The following GALNT6 variants were observed in gnomAD, a reference collection of about 807,000 sequenced individuals.
GALNT6 encodes the protein GalNAc transferase 6.
GALNT6 carries 51 observed loss-of-function variants against 65.9 expected under a neutral mutation model. That is an observed-to-expected ratio of 0.77 (90% CI 0.62 to 0.98). The LOEUF is 0.98. Among genes scored for constraint, GALNT6 ranks in the 50% least tolerant of loss-of-function variants. The pLI, the probability that GALNT6 is intolerant of heterozygous loss-of-function variation, is 0.00. For synonymous variants in GALNT6, 323 were observed against 315.1 expected (o/e 1.02, Z -0.26); for missense variants, 708 against 803.3 (o/e 0.88, Z 1.43).
intron 11 of GALNT6, among the ~76,000 whole-genome samples, chr12:51,354,995 G>A (rs898550094): frequency 7.9e-5 from 12 of 152,260 alleles, no homozygotes; most frequent in African/African-American, 1.9e-4. Flanking sequence ...GAAAGAGCCC[G>A]TGCTTTCAAG....
chr12:51,360,883 G>A (rs1374843881), intron 6 of GALNT6, 45 bp from the exon 7 acceptor site: 1 of 1,347,890 alleles, frequency 7.4e-7, no homozygotes, highest in Admixed American at 1.7e-5. Context: ...TGGGAGAGGA[G>A]GAGCGGAGCC....
intron 8 of GALNT6, among the ~76,000 whole-genome samples, chr12:51,358,737 C>G (rs980308668): frequency 3.3e-5 from 5 of 152,152 alleles, no homozygotes; most frequent in African/African-American, 1.2e-4. Flanking sequence ...CATCCAATCC[C>G]AAAAACCCCG....
intron 4 of GALNT6, among the ~76,000 whole-genome samples, chr12:51,376,301 T>C (rs899802183): frequency 1.3e-5 from 2 of 152,060 alleles, no homozygotes; most frequent in Non-Finnish European, 2.9e-5. Context: ...TCACACCTGT[T>C]ACAGGTGCAT....
At chr12:51,385,304 T>C (rs1249253506) in intron 2 of GALNT6, among the ~76,000 whole-genome samples, 1 of 152,216 alleles carries the variant, frequency 6.6e-6, no homozygotes, top group East Asian at 1.9e-4. Context: ...AGTAAACTTT[T>C]ATTTTAATGT....
intron 4 of GALNT6, among the ~76,000 whole-genome samples, chr12:51,374,807 CTG>C (rs753995042): frequency 2.0e-5 from 3 of 152,234 alleles, no homozygotes; most frequent in Non-Finnish European, 4.4e-5. Flanking sequence ...CCTCTCCAGA[CTG>C]TGAGTCCTCT....
chr12:51,369,064 A>T (rs1046723987), intron 4 of GALNT6, among the ~76,000 whole-genome samples: 2 of 152,194 alleles, frequency 1.3e-5, no homozygotes, highest in Non-Finnish European at 2.9e-5. Context: ...GCTCCTCAGC[A>T]TGGCTGCTGT....
At chr12:51,381,521 A>G (rs1947672034) in intron 2 of GALNT6, among the ~76,000 whole-genome samples, 1 of 152,056 alleles carries the variant, frequency 6.6e-6, no homozygotes, top group Non-Finnish European at 1.5e-5. Flanking sequence ...AGTAGCACCT[A>G]CCTCCTAGGG....
At chr12:51,356,353 CTTTTTTTT>C (rs58408607) in intron 10 of GALNT6, among the ~76,000 whole-genome samples, 15 of 66,952 alleles carry the variant, frequency 2.2e-4, no homozygotes, top group South Asian at 1.5e-3. Context: ...TATATTTTCT[CTTTTTTTT>C]TTTTTTTTTT....
chr12:51,374,755 C>T (rs1438211421), intron 4 of GALNT6, among the ~76,000 whole-genome samples: 1 of 152,170 alleles, frequency 6.6e-6, no homozygotes, highest in African/African-American at 2.4e-5. Flanking sequence ...TTTCCTAGTT[C>T]AGGCCCCATC....
chr12:51,384,208 G>T (rs1947757564), intron 2 of GALNT6, among the ~76,000 whole-genome samples: 1 of 152,152 alleles, frequency 6.6e-6, no homozygotes, highest in South Asian at 2.1e-4. Context: ...TGAAAAGCCT[G>T]CCTAGATTGA....
At chr12:51,382,805 G>C (rs1947715655) in intron 2 of GALNT6, among the ~76,000 whole-genome samples, 1 of 152,152 alleles carries the variant, frequency 6.6e-6, no homozygotes, top group Admixed American at 6.5e-5. Flanking sequence ...TAGCAGTGTG[G>C]ATGGAAGAGG....
chr12:51,383,805 G>A (rs1164640573), intron 2 of GALNT6, among the ~76,000 whole-genome samples: 1 of 152,132 alleles, frequency 6.6e-6, no homozygotes, highest in Non-Finnish European at 1.5e-5. Context: ...CCTTAGAAGA[G>A]ACACAGAATC....
intron 4 of GALNT6, among the ~76,000 whole-genome samples, chr12:51,373,291 A>C (rs1947346506): frequency 6.6e-6 from 1 of 152,178 alleles, no homozygotes; most frequent in African/African-American, 2.4e-5. Flanking sequence ...AGGTCCCATA[A>C]TCCCCACATG....
At chr12:51,378,526 T>TG (rs1947536577) in intron 3 of GALNT6, among the ~76,000 whole-genome samples, 1 of 152,178 alleles carries the variant, frequency 6.6e-6, no homozygotes, top group Admixed American at 6.5e-5. Flanking sequence ...CTATCATACT[T>TG]GGCTCAAGTC....
chr12:51,381,648 T>A (rs1947675514), intron 2 of GALNT6, among the ~76,000 whole-genome samples: 3 of 152,224 alleles, frequency 2.0e-5, no homozygotes, highest in African/African-American at 7.2e-5. Context: ...GTGTGACCCT[T>A]GGGTAATTTA....
At position 51,357,358 on chromosome 12, in the gene GALNT6, G is replaced by C. The variant is rs781228894; in HGVS notation, c.1593C>G (p.Gly531=). ...TGGGTGGGCTGCATACCTGGTTGCC[G>C]CCAAGGCCGTGGCAGGAGTACATGA... ...PLIMYSCHGL[G]GNQYFEYTTQ... is the part of the protein sequence containing the mutation. Residue 531 remains glycine (G), a synonymous_variant, in exon 10 of 12, where the codon GGC becomes GGG. Transcript: ENST00000356317. 4 of 1,610,010 alleles carry C rather than the reference G, an allele frequency of 2.5e-6. No homozygotes were observed. The South Asian group carries it at 3.3e-5, about 13-fold the overall frequency.
chr12:51,364,068 G>T, intron 6 of GALNT6, 53 bp downstream of exon 6: 1 of 1,233,370 alleles, frequency 8.1e-7, no homozygotes, highest in Admixed American at 1.7e-5. Flanking sequence ...CAGGTTCCTG[G>T]AACTGGGTAG....
rs1325405032 is a variant in GALNT6, at chr12:51,351,795, A to ATG, written c.*2582_*2583dup. On this transcript the variant is annotated 3_prime_UTR_variant, in exon 12 of 12. Transcript: ENST00000356317. ...CAGTGGCTGTAACAGAACTTTTCAG[A>ATG]TGTGTGTGGTTCTTCATAGCCCAAA... 3 of 152,146 alleles carry ATG rather than the reference A, an allele frequency of 2.0e-5. No homozygotes were observed. The highest frequency in any genetic ancestry group is 7.2e-5 in the African/African-American group (3 of 41,430). The allele number at this position is 152,146 out of a possible 1,614,324, so 9.4% of individuals were successfully genotyped here.
intron 8 of GALNT6, among the ~76,000 whole-genome samples, chr12:51,358,544 GCCCGCCTCGGCCTC>G (rs905052343): frequency 6.6e-6 from 1 of 152,066 alleles, no homozygotes; most frequent in African/African-American, 2.4e-5. Flanking sequence ...TAGGTGATCT[GCCCGCCTCGGCCTC>G]CCTAAGTGCT....
Sources: allele counts gnomAD v4.1 joint callset (sites outside exome capture counted in the v4.1 genomes callset), GRCh38; gene constraint gnomAD v4.1.1; transcripts MANE v1.5; gene names NCBI Gene and HGNC (gene_info 2026-07-23, HGNC 2026-07-21).